The following ATXN7L1 variants were observed in gnomAD, a reference collection of about 807,000 sequenced individuals.
ATXN7L1 encodes ataxin 7 like 1.
ATXN7L1 carries 15 observed loss-of-function variants against 70.8 expected under a neutral mutation model. The ratio of observed to expected loss-of-function variants is 0.21; its 90% confidence interval spans 0.14 to 0.33. The LOEUF (loss-of-function observed/expected upper bound fraction) is 0.33, where lower values mean the gene tolerates loss of function less well. Among genes scored for constraint, ATXN7L1 ranks in the 10% least tolerant of loss-of-function variants. The pLI is 1.00. For synonymous variants in ATXN7L1, 440 were observed against 445.1 expected, an observed-to-expected ratio of 0.99 and a Z score of 0.14; for missense variants, 975 against 1,097.1, an observed-to-expected ratio of 0.89 and a Z score of 1.57.
intron 2 of ATXN7L1, among the ~76,000 whole-genome samples, chr7:105,850,620 G>C (rs1425369840): frequency 6.6e-6 from 1 of 152,206 alleles, no homozygotes; most frequent in East Asian, 1.9e-4. Context: ...ACTGATCCCT[G>C]TGCCTCCTGA....
intron 3 of ATXN7L1, among the ~76,000 whole-genome samples, chr7:105,754,735 C>T (rs1294413805): frequency 3.3e-5 from 5 of 152,222 alleles, no homozygotes; most frequent in African/African-American, 1.2e-4. Context: ...TCTGGGATTA[C>T]TGGCATGAGC....
intron 3 of ATXN7L1, among the ~76,000 whole-genome samples, chr7:105,673,432 C>T (rs1360202982): frequency 6.6e-6 from 1 of 152,212 alleles, no homozygotes; most frequent in Non-Finnish European, 1.5e-5. Flanking sequence ...TGTGGCCTGC[C>T]ATGGTTGTGT....
intron 9 of ATXN7L1, among the ~76,000 whole-genome samples, chr7:105,615,239 G>C (rs1287128685): frequency 6.6e-6 from 1 of 152,100 alleles, no homozygotes; most frequent in Non-Finnish European, 1.5e-5. Flanking sequence ...GGTCCTGGTT[G>C]CAAGTAAGAA....
At chr7:105,772,063 ATTT>A (rs533366742) in intron 3 of ATXN7L1, among the ~76,000 whole-genome samples, 3,270 of 98,848 alleles carry the variant, frequency 0.033, 36 homozygotes, top group East Asian at 0.13. Context: ...TCAGATTGGA[ATTT>A]TTTTTTTTTT....
intron 5 of ATXN7L1, among the ~76,000 whole-genome samples, chr7:105,641,194 TTCTCTCTC>T (rs1239270241): frequency 9.4e-6 from 1 of 106,002 alleles, no homozygotes; most frequent in African/African-American, 3.5e-5. Context: ...TGTCTGCCTT[TTCTCTCTC>T]TCTCTCTCTC....
At chr7:105,761,529 T>C (rs1800546533) in intron 3 of ATXN7L1, 1 of 1,583,774 alleles carries the variant, frequency 6.3e-7, no homozygotes, top group Non-Finnish European at 8.6e-7. Flanking sequence ...TTGGAAATTA[T>C]ATTTGTAAAT....
intron 8 of ATXN7L1, among the ~76,000 whole-genome samples, chr7:105,623,779 C>A (rs1790057): frequency 0.58 from 87,790 of 152,106 alleles, 25,869 homozygotes; most frequent in East Asian, 0.93. Context: ...CTATTTCTCA[C>A]GCGTGCTCGC....
At chr7:105,679,889 A>G (rs894403413) in intron 3 of ATXN7L1, among the ~76,000 whole-genome samples, 3 of 152,020 alleles carry the variant, frequency 2.0e-5, no homozygotes, top group Non-Finnish European at 4.4e-5. Context: ...ACATTTTAAA[A>G]TGGTTAATTT....
intron 3 of ATXN7L1, among the ~76,000 whole-genome samples, chr7:105,699,771 A>G (rs966044418): frequency 6.6e-6 from 1 of 152,142 alleles, no homozygotes; most frequent in East Asian, 1.9e-4. Flanking sequence ...GGTGGTGCCT[A>G]TGGTTTGCAA....
chr7:105,773,428 CTGTCCTTGAAT>C (rs1802289275), intron 3 of ATXN7L1, among the ~76,000 whole-genome samples: 2 of 152,180 alleles, frequency 1.3e-5, no homozygotes, highest in Admixed American at 6.5e-5. Flanking sequence ...GATGACGAGA[CTGTCCTTGAAT>C]TGCCCCTGGG....
intron 2 of ATXN7L1, among the ~76,000 whole-genome samples, chr7:105,852,476 T>C (rs79427863): frequency 0.011 from 1,689 of 152,218 alleles, 30 homozygotes; most frequent in African/African-American, 0.039. Context: ...TTCCAGACCA[T>C]GAAGCAAGGA....
At chr7:105,751,293 T>C (rs1171689208) in intron 3 of ATXN7L1, among the ~76,000 whole-genome samples, 1 of 152,130 alleles carries the variant, frequency 6.6e-6, no homozygotes, top group Non-Finnish European at 1.5e-5. Context: ...ATCACACATG[T>C]GCTGCTGGAT....
chr7:105,870,024 G>A (rs1204734962), intron 2 of ATXN7L1, among the ~76,000 whole-genome samples: 1 of 152,194 alleles, frequency 6.6e-6, no homozygotes, highest in African/African-American at 2.4e-5. Flanking sequence ...GCTCATGCCT[G>A]TAATCCCAGC....
chr7:105,615,347 C>T (rs887783458), intron 9 of ATXN7L1, among the ~76,000 whole-genome samples: 1 of 152,220 alleles, frequency 6.6e-6, no homozygotes, highest in African/African-American at 2.4e-5. Flanking sequence ...GCTTTCCCCA[C>T]CCTGCTCTGG....
chr7:105,764,130 A>G (rs1800926800), intron 3 of ATXN7L1, among the ~76,000 whole-genome samples: 1 of 152,284 alleles, frequency 6.6e-6, no homozygotes, highest in Non-Finnish European at 1.5e-5. Flanking sequence ...CTGAGATTAC[A>G]GGCATGAGCC....
Position 105,624,279 on chromosome 7 carries a change from A to G in ATXN7L1, c.1203-12T>C, listed in dbSNP as rs564748305. Reference sequence around the variant, plus strand: ...TTGCAGATGATGGTCTAAGGGCAAGAGCGGAGAACAAACAAAATAAACCAA... The same window carrying G: ...TTGCAGATGATGGTCTAAGGGCAAGGGCGGAGAACAAACAAAATAAACCAA... On this transcript the variant is annotated splice_polypyrimidine_tract_variant and intron_variant, in intron 7 of 11. Transcript: ENST00000419735. 2.0e-5 allele frequency: 27 copies of G among 1,367,572 alleles called. No individual in the cohort carries two copies. Among genetic ancestry groups the G allele is most frequent in the Admixed American group, 9.6e-5 (3 of 31,400 alleles). The allele number at this position is 1,367,572 out of a possible 1,614,324, so 84.7% of individuals were successfully genotyped here. A position where few individuals can be genotyped will look rare whatever the true frequency, so the allele number is the denominator to read the frequency against.
rs201528638 is a variant in ATXN7L1 at position 105,708,575 on chromosome 7, C to G, written c.356-43287G>C. On this transcript the variant is annotated intron_variant, in intron 3 of 11. Transcript: ENST00000419735. ...ATTGGATAATTAACTGATCAATTTT[C>G]CCACTGTGAAATGGGTTAAAAATGT... 2.6e-5 allele frequency among the ~76,000 whole-genome samples: 4 copies of G among 152,308 alleles called. No individual in the cohort carries two copies. The East Asian group carries it at 7.7e-4, about 29-fold the overall frequency.
chr7:105,854,958 C>CTTTTTTTT (rs34345388), intron 2 of ATXN7L1, among the ~76,000 whole-genome samples: 1 of 130,402 alleles, frequency 7.7e-6, no homozygotes, highest in Non-Finnish European at 1.7e-5. Context: ...TCTTCTTCTT[C>CTTTTTTTT]TTTTTTTTTT....
At chr7:105,805,451 C>T (rs1239562988) in intron 2 of ATXN7L1, among the ~76,000 whole-genome samples, 1 of 152,190 alleles carries the variant, frequency 6.6e-6, no homozygotes, top group Non-Finnish European at 1.5e-5. Flanking sequence ...TTGTTGGTCT[C>T]ACCCACTGCC....
Sources: allele counts gnomAD v4.1 joint callset (sites outside exome capture counted in the v4.1 genomes callset), GRCh38; gene constraint gnomAD v4.1.1; transcripts MANE v1.5; gene names NCBI Gene and HGNC (gene_info 2026-07-23, HGNC 2026-07-21).